The following CSMD1 variants were observed in gnomAD, a reference collection of about 807,000 sequenced individuals.
CSMD1 encodes the protein CUB and Sushi multiple domains 1.
Under a neutral mutation model 417.5 loss-of-function variants are expected in CSMD1, and 213 were observed. That is an observed-to-expected ratio of 0.51 (90% CI 0.46 to 0.57). The LOEUF is 0.57. Ranked by LOEUF, CSMD1 falls within the 20% of genes least tolerant of loss-of-function variation. The pLI is 0.00. For missense variants in CSMD1, 6,923 were observed against 4,529.7 expected (o/e 1.53, Z -15.17); for synonymous variants, 2,862 against 1,736.8 (o/e 1.65, Z -16.11).
chr8:3,997,908 G>C lies in CSMD1; in HGVS notation c.813C>G (p.Ser271=), dbSNP rs760399296. ...FLEISGTEAP[S]IWLTGMNLPS... ...CATCTCTTCCCGGGACTTACCATAT[G>C]GATGGAGCTTCCGTGCCACTGATCT... Residue 271 remains serine (S), a synonymous_variant, in exon 5 of 70, where the codon TCC becomes TCG. Coordinates refer to ENST00000635120, the MANE Select transcript of CSMD1 (RefSeq NM_033225.6). The C allele has an allele frequency of 3.7e-6, 6 of 1,611,470 alleles. No individual in the cohort carries two copies. In the South Asian group the frequency reaches 5.5e-5, roughly 15 times the overall value.
chr8:4,401,396 T>G (rs1804634488), intron 3 of CSMD1, among the ~76,000 whole-genome samples: 1 of 152,178 alleles, frequency 6.6e-6, no homozygotes, highest in African/African-American at 2.4e-5. Flanking sequence ...AGATGTTAGT[T>G]GTTTATGACC....
intron 1 of CSMD1, among the ~76,000 whole-genome samples, chr8:4,685,329 T>A (rs1037946551): frequency 3.9e-5 from 6 of 152,088 alleles, no homozygotes; most frequent in Non-Finnish European, 7.4e-5. Flanking sequence ...ATCCCAGCAC[T>A]TTGGGAGGCT....
chr8:3,657,127 C>A (rs1001751412), intron 7 of CSMD1, among the ~76,000 whole-genome samples: 2 of 152,126 alleles, frequency 1.3e-5, no homozygotes, highest in East Asian at 1.9e-4. Flanking sequence ...AATATGGCAT[C>A]ATCTGTCCCT....
chr8:4,882,844 A>C (rs1258266925), intron 1 of CSMD1, among the ~76,000 whole-genome samples: 1 of 152,016 alleles, frequency 6.6e-6, no homozygotes, highest in African/African-American at 2.4e-5. Flanking sequence ...CTTTGACTTG[A>C]ATATTGGGAT....
chr8:4,307,171 C>G (rs1194066017), intron 3 of CSMD1, among the ~76,000 whole-genome samples: 1 of 152,152 alleles, frequency 6.6e-6, no homozygotes, highest in Non-Finnish European at 1.5e-5. Flanking sequence ...TCAGCACAGG[C>G]TCCATTTAAT....
intron 3 of CSMD1, among the ~76,000 whole-genome samples, chr8:4,190,714 A>C (rs2131213410): frequency 6.6e-6 from 1 of 152,286 alleles, no homozygotes; most frequent in South Asian, 2.1e-4. Flanking sequence ...CATTTTACAG[A>C]AAATCATCTG....
At chr8:4,457,715 C>T (rs753104699) in intron 2 of CSMD1, among the ~76,000 whole-genome samples, 10 of 152,212 alleles carry the variant, frequency 6.6e-5, no homozygotes, top group Non-Finnish European at 1.0e-4. Flanking sequence ...CTTCCCTTCC[C>T]GGTCCTTCAT....
chr8:3,339,333 G>A (rs912387321), intron 23 of CSMD1, among the ~76,000 whole-genome samples: 28 of 152,164 alleles, frequency 1.8e-4, no homozygotes, highest in African/African-American at 5.3e-4. Context: ...CTTTAAAGAT[G>A]TTCCTGACTA....
chr8:4,114,224 T>C (rs749053910), intron 3 of CSMD1, among the ~76,000 whole-genome samples: 2 of 152,318 alleles, frequency 1.3e-5, no homozygotes, highest in Admixed American at 6.5e-5. Context: ...TGGAAACCAA[T>C]GTTTGTTTAA....
At chr8:3,094,614 T>G (rs746937043) in intron 47 of CSMD1, among the ~76,000 whole-genome samples, 1 of 152,192 alleles carries the variant, frequency 6.6e-6, no homozygotes, top group Non-Finnish European at 1.5e-5. Flanking sequence ...TACACTGTAA[T>G]TTTAATTTTG....
chr8:4,233,555 C>G (rs79877987), intron 3 of CSMD1, among the ~76,000 whole-genome samples: 1 of 152,130 alleles, frequency 6.6e-6, no homozygotes, highest in East Asian at 1.9e-4. Flanking sequence ...CTTCCACTGT[C>G]TGAGGACACA....
At chr8:4,034,851 C>G (rs1369463683) in intron 3 of CSMD1, among the ~76,000 whole-genome samples, 1 of 152,072 alleles carries the variant, frequency 6.6e-6, no homozygotes. Flanking sequence ...AATTGTTCCC[C>G]AAAGACACGG....
chr8:3,266,396 A>G (rs1157253925), intron 26 of CSMD1, among the ~76,000 whole-genome samples: 1 of 151,732 alleles, frequency 6.6e-6, no homozygotes, highest in Non-Finnish European at 1.5e-5. Context: ...ACCTGAGACT[A>G]GGAGATTGAG....
At chr8:3,848,294 C>T (rs997789454) in intron 5 of CSMD1, among the ~76,000 whole-genome samples, 2 of 152,146 alleles carry the variant, frequency 1.3e-5, no homozygotes, top group Non-Finnish European at 2.9e-5. Context: ...GCTCATTCTA[C>T]TGCGATCCCA....
intron 2 of CSMD1, among the ~76,000 whole-genome samples, chr8:4,628,651 A>C (rs1013699571): frequency 1.3e-5 from 2 of 152,010 alleles, no homozygotes; most frequent in Admixed American, 6.6e-5. Context: ...TGCCAGGGAC[A>C]CTAAAATGGC....
intron 3 of CSMD1, among the ~76,000 whole-genome samples, chr8:4,209,592 C>G (rs546809423): frequency 2.6e-5 from 4 of 152,176 alleles, no homozygotes; most frequent in Admixed American, 6.5e-5. Context: ...CTTTCCTTTT[C>G]CCTGTCCCCG....
intron 7 of CSMD1, among the ~76,000 whole-genome samples, chr8:3,652,504 C>T (rs932100357): frequency 2.6e-5 from 4 of 152,150 alleles, no homozygotes; most frequent in Admixed American, 2.6e-4. Context: ...ATAAAGGAAG[C>T]GGATTAATGG....
intron 7 of CSMD1, among the ~76,000 whole-genome samples, chr8:3,624,262 G>C (rs926370941): frequency 6.6e-6 from 1 of 152,162 alleles, no homozygotes; most frequent in African/African-American, 2.4e-5. Flanking sequence ...CAAACCATCT[G>C]TTAGCAAATT....
At chr8:3,982,015 C>T (rs1813908838) in intron 5 of CSMD1, among the ~76,000 whole-genome samples, 3 of 151,816 alleles carry the variant, frequency 2.0e-5, no homozygotes, top group African/African-American at 4.8e-5. Flanking sequence ...ACTAAAAATA[C>T]AAAAAATTAG....
Sources: allele counts gnomAD v4.1 joint callset (sites outside exome capture counted in the v4.1 genomes callset), GRCh38; gene constraint gnomAD v4.1.1; transcripts MANE v1.5; gene names NCBI Gene and HGNC (gene_info 2026-07-23, HGNC 2026-07-21).